ATP6V1B1: variants seen among roughly 807,000 people sequenced by gnomAD.
ATP6V1B1 encodes V-type proton ATPase subunit B, kidney isoform.
A neutral mutation model predicts 62.1 loss-of-function variants in ATP6V1B1; 41 were observed. That is an observed-to-expected ratio of 0.66 (90% confidence interval 0.51 to 0.86). The LOEUF (loss-of-function observed/expected upper bound fraction) is 0.86, where lower values mean the gene tolerates loss of function less well. Among genes scored for constraint, ATP6V1B1 ranks in the 40% least tolerant of loss-of-function variants. The pLI is 0.00. For synonymous variants in ATP6V1B1, 253 were observed against 273.4 expected, an observed-to-expected ratio of 0.93 and a Z score of 0.74; for missense variants, 651 against 697.5, an observed-to-expected ratio of 0.93 and a Z score of 0.75.
chr2:70,958,086 A>T lies in ATP6V1B1; in HGVS notation c.215A>T (p.Asp72Val). 6.2e-7 allele frequency: 1 copy of T among 1,614,072 alleles called. No individual in the cohort carries two copies. The highest frequency in any genetic ancestry group is 8.5e-7 in the Non-Finnish European group (1 of 1,180,008). Reference sequence around the variant, plus strand: ...GAGATCGTCCACTTCACCCTCCCAGATGGGACTCAGAGGAGCGGGCAGGTG... The same window carrying T: ...GAGATCGTCCACTTCACCCTCCCAGTTGGGACTCAGAGGAGCGGGCAGGTG... ...YAEIVHFTLP[D>V]GTQRSGQVLE... The change falls in exon 3 of 14, where the codon GAT becomes GTT. Residue 72 changes from aspartate (D) to valine (V), a missense_variant. Transcript: ENST00000234396.
At chr2:70,960,790 G>T in intron 6 of ATP6V1B1, 131 bp from the exon 7 acceptor site, 1 of 390,992 alleles carries the variant, frequency 2.6e-6, no homozygotes, top group South Asian at 2.0e-5. Flanking sequence ...AGAAAGACTA[G>T]CACCTGGGGC....
intron 1 of ATP6V1B1, among the ~76,000 whole-genome samples, chr2:70,937,205 A>C (rs1679875408): frequency 6.6e-6 from 1 of 151,902 alleles, no homozygotes; most frequent in East Asian, 1.9e-4. Flanking sequence ...GTGTGGTGTG[A>C]GGGGAAGTGA....
chr2:70,938,493 G>T, intron 1 of ATP6V1B1: 1 of 963,464 alleles, frequency 1.0e-6, no homozygotes, highest in Middle Eastern at 5.4e-4. Flanking sequence ...GCTGGGCCAC[G>T]GTGGAGGTGA....
Position 70,944,088 on chromosome 2 carries a change from A to G in ATP6V1B1, c.174+375A>G, listed in dbSNP as rs1307992241. The G allele has an allele frequency of 3.9e-6, 5 of 1,286,562 alleles. No individual in the cohort carries two copies. In the Admixed American group the frequency reaches 1.4e-4, roughly 35 times the overall value. 79.7% of individuals were successfully genotyped at this position (1,286,562 alleles called of 1,614,324 possible). A position where few individuals can be genotyped will look rare whatever the true frequency, so the allele number is the denominator to read the frequency against. ...TGTACCTAACCTCCTCGAGGGCTAG[A>G]CTCTCCCCACCCTCGACTCTCACAG... On this transcript the variant is annotated intron_variant, in intron 2 of 13. Coordinates refer to ENST00000234396, the MANE Select transcript of ATP6V1B1 (RefSeq NM_001692.4).
intron 2 of ATP6V1B1, among the ~76,000 whole-genome samples, chr2:70,945,288 G>T (rs1322742324): frequency 1.3e-5 from 2 of 152,172 alleles, no homozygotes; most frequent in African/African-American, 4.8e-5. Context: ...AAAGTCACAG[G>T]TACCGTGGAA....
chr2:70,961,128 C>T (rs1457587219), intron 7 of ATP6V1B1, 106 bp downstream of exon 7: 26 of 1,238,256 alleles, frequency 2.1e-5, no homozygotes, highest in South Asian at 5.2e-5. Context: ...ATCAGTGTCC[C>T]GGCCAGCCAG....
intron 1 of ATP6V1B1, chr2:70,941,348 A>C: frequency 2.0e-6 from 2 of 985,598 alleles, no homozygotes; most frequent in South Asian, 9.4e-5. Context: ...GAGCCTGTGC[A>C]TGCCAGCCCA....
intron 2 of ATP6V1B1, among the ~76,000 whole-genome samples, chr2:70,955,367 C>A (rs1418587088): frequency 6.6e-6 from 1 of 152,302 alleles, no homozygotes; most frequent in East Asian, 1.9e-4. Flanking sequence ...AACTCACATA[C>A]TGTTAATTCA....
Position 70,965,336 on chromosome 2 carries a change from A to G in ATP6V1B1, c.*215A>G, listed in dbSNP as rs1680701238. 1.5e-6 allele frequency: 1 copy of G among 657,676 alleles called. No homozygotes were observed. The highest frequency in any genetic ancestry group is 2.6e-6 in the Non-Finnish European group (1 of 389,506). 40.7% of individuals were successfully genotyped at this position (657,676 alleles called of 1,614,324 possible). The stretch of plus-strand genomic sequence containing the variant: ...CCCTCGACTCCCGGTGCTGCGGAAG[A>G]ACTGAAGGTTGCGATGCCTTACTCT... On this transcript the variant is annotated 3_prime_UTR_variant, in exon 14 of 14. Coordinates refer to ENST00000234396, the MANE Select transcript of ATP6V1B1 (RefSeq NM_001692.4).
At chr2:70,961,568 C>A (rs1680588059) in intron 7 of ATP6V1B1, 28 bp from the exon 8 acceptor site, 1 of 1,611,930 alleles carries the variant, frequency 6.2e-7, no homozygotes, top group African/African-American at 1.3e-5. Flanking sequence ...CAGGGCCCTA[C>A]CTCCAGCCCA....
At chr2:70,952,605 A>C (rs1680347278) in intron 2 of ATP6V1B1, among the ~76,000 whole-genome samples, 2 of 152,192 alleles carry the variant, frequency 1.3e-5, no homozygotes, top group African/African-American at 4.8e-5. Context: ...TCAAATATTG[A>C]CAAATTCCCT....
At chr2:70,939,530 C>T (rs952188059) in intron 1 of ATP6V1B1, 3 of 152,284 alleles carry the variant, frequency 2.0e-5, no homozygotes, top group Non-Finnish European at 2.9e-5. Flanking sequence ...TTCTGGGCCT[C>T]GTTTTGCCAC....
chr2:70,952,787 G>T (rs1680350306), intron 2 of ATP6V1B1, among the ~76,000 whole-genome samples: 1 of 152,046 alleles, frequency 6.6e-6, no homozygotes, highest in Non-Finnish European at 1.5e-5. Flanking sequence ...TGGGAATTGG[G>T]GGCTTTCTAT....
intron 2 of ATP6V1B1, among the ~76,000 whole-genome samples, chr2:70,950,691 C>A (rs1553418171): frequency 2.0e-5 from 3 of 151,996 alleles, no homozygotes; most frequent in Non-Finnish European, 4.4e-5. Flanking sequence ...TCTTTCTAAA[C>A]CAGAACCTCT....
chr2:70,958,948 G>A, intron 4 of ATP6V1B1, 70 bp from the exon 5 acceptor site: 1 of 1,469,402 alleles, frequency 6.8e-7, no homozygotes, highest in African/African-American at 1.4e-5. Context: ...GTGGTGGTGT[G>A]GAGGGTAGAC....
intron 1 of ATP6V1B1, chr2:70,941,211 G>A: frequency 3.2e-6 from 3 of 945,690 alleles, no homozygotes; most frequent in Non-Finnish European, 3.8e-6. Context: ...AGCCACTGTA[G>A]CTGTCCAAAT....
chr2:70,936,188 A>T, intron 1 of ATP6V1B1, 116 bp downstream of exon 1: 1 of 1,076,922 alleles, frequency 9.3e-7, no homozygotes, highest in South Asian at 1.5e-5. Flanking sequence ...AGACCTGGGG[A>T]GACCTGGAGG....
rs1289025062 is a variant in ATP6V1B1 at position 70,936,075 on chromosome 2, G to C, written c.118+3G>C. On this transcript the variant is annotated splice_donor_region_variant and intron_variant, in intron 1 of 13. Coordinates refer to ENST00000234396, the MANE Select transcript of ATP6V1B1 (RefSeq NM_001692.4). ...CTACATCACCCACCCCCGTGTCAGT[G>C]AGTAGCCCCTCCACCGTGACGGGTG... 1 of 1,613,622 alleles carries C rather than the reference G, an allele frequency of 6.2e-7. No homozygotes were observed. The highest frequency in any genetic ancestry group is 8.5e-7 in the Non-Finnish European group (1 of 1,179,716).
chr2:70,943,163 C>T (rs534341715), intron 1 of ATP6V1B1, among the ~76,000 whole-genome samples: 10 of 148,722 alleles, frequency 6.7e-5, no homozygotes, highest in Non-Finnish European at 4.5e-5. Flanking sequence ...TTCTCACTGA[C>T]GTCTGCACCC....
Sources: allele counts gnomAD v4.1 joint callset (sites outside exome capture counted in the v4.1 genomes callset), GRCh38; gene constraint gnomAD v4.1.1; transcripts MANE v1.5; gene names NCBI Gene and HGNC (gene_info 2026-07-23, HGNC 2026-07-21).